Variants in HSD17B11 observed in about 807,000 individuals in gnomAD.
HSD17B11 encodes estradiol 17-beta-dehydrogenase 11.
HSD17B11 carries 22 observed loss-of-function variants against 27.8 expected under a neutral mutation model. The observed-to-expected ratio is 0.79, with a 90% CI of 0.56 to 1.13. The LOEUF (loss-of-function observed/expected upper bound fraction) is 1.13. Among genes scored for constraint, HSD17B11 ranks in the 50% most tolerant of loss-of-function variants. HSD17B11 has a pLI of 0.00. For synonymous variants in HSD17B11, 117 were observed against 132.8 expected, an observed-to-expected ratio of 0.88 and a Z score of 0.82; for missense variants, 314 against 351.1, an observed-to-expected ratio of 0.89 and a Z score of 0.84.
chr4:87,386,266 A>C (rs1329651899), intron 1 of HSD17B11, among the ~76,000 whole-genome samples: 1 of 151,226 alleles, frequency 6.6e-6, no homozygotes, highest in African/African-American at 2.4e-5. Flanking sequence ...GCAATGGTGC[A>C]ATCTTAGCTC....
At position 87,340,537 on chromosome 4, in the gene HSD17B11, C is replaced by T; in HGVS notation, c.765G>A (p.Lys255=). ...RLMHGILTEQ[K]MIFIPSSIAF... ...CTATAGAAGATGGAATAAAAATCAT[C>T]TTCTGCTCAGTCAGAATCCCATGCA... Residue 255 remains lysine, a synonymous_variant, in exon 6 of 7, where the codon AAG becomes AAA. Coordinates refer to ENST00000358290, the MANE Select transcript of HSD17B11 (RefSeq NM_016245.5). The T allele has an allele frequency of 6.2e-7, 1 of 1,610,752 alleles. No homozygotes were observed. Among genetic ancestry groups the T allele is most frequent in the Non-Finnish European group, 8.5e-7 (1 of 1,178,438 alleles).
intron 2 of HSD17B11, among the ~76,000 whole-genome samples, chr4:87,378,841 T>A (rs183896092): frequency 0.11 from 3,535 of 31,474 alleles, 637 homozygotes; most frequent in East Asian, 0.3. Flanking sequence ...AATATATATA[T>A]ATAAATATAT....
chr4:87,358,581 ATAAT>A (rs1250467549), intron 4 of HSD17B11, among the ~76,000 whole-genome samples: 2 of 152,170 alleles, frequency 1.3e-5, no homozygotes, highest in Non-Finnish European at 1.5e-5. Context: ...TTTTTGATAT[ATAAT>A]TAACTTAAAA....
chr4:87,342,073 T>C (rs1735179862), intron 5 of HSD17B11, among the ~76,000 whole-genome samples: 1 of 152,016 alleles, frequency 6.6e-6, no homozygotes, highest in South Asian at 2.1e-4. Context: ...TTATTTTTAA[T>C]GTGTGTGTCT....
In HSD17B11 at chr4:87,382,351, C is replaced by T. The variant is rs1720196224; in HGVS notation, c.222G>A (p.Glu74=). ...GTCCCTTGCATTTGGCAGCTGTTTCCTCCAGTCCATGCTAGAAAAAGCAAA... is the reference window on the plus strand; with the variant it reads ...GTCCCTTGCATTTGGCAGCTGTTTCTTCCAGTCCATGCTAGAAAAAGCAAA... ...VLWDINKHGL[E]ETAAKCKGLG... Residue 74 remains glutamate (E), a synonymous_variant, in exon 2 of 7, where the codon GAG becomes GAA. Coordinates refer to ENST00000358290, the MANE Select transcript of HSD17B11 (RefSeq NM_016245.5). 6.2e-7 allele frequency: 1 copy of T among 1,613,266 alleles called. No homozygotes were observed. The highest frequency in any genetic ancestry group is 8.5e-7 in the Non-Finnish European group (1 of 1,179,460).
In HSD17B11 at chr4:87,372,196, T is replaced by C. The variant is rs190295804; in HGVS notation, c.557+513A>G. Among the ~76,000 whole-genome samples, 135 of 145,926 alleles carry C rather than the reference T, an allele frequency of 9.3e-4. 1 individual carries two copies. The highest frequency in any genetic ancestry group is 3.3e-3 in the African/African-American group (129 of 39,376). On this transcript the variant is annotated intron_variant, in intron 4 of 6. Transcript: ENST00000358290. ...AGGCGGAGCTTGCAGTGAGCCGAGA[T>C]TGCGCCACTGCACTCCAGCCTGGGT...
intron 4 of HSD17B11, among the ~76,000 whole-genome samples, chr4:87,361,233 T>C (rs1735506495): frequency 6.6e-6 from 1 of 152,080 alleles, no homozygotes; most frequent in Non-Finnish European, 1.5e-5. Context: ...AAAACCAAAA[T>C]GGCCACAAAA....
intron 1 of HSD17B11, among the ~76,000 whole-genome samples, chr4:87,386,520 T>A (rs1158290968): frequency 6.6e-6 from 1 of 152,082 alleles, no homozygotes; most frequent in Non-Finnish European, 1.5e-5. Context: ...CAAATTTAAG[T>A]TCTAAATTCC....
At chr4:87,364,067 T>C in intron 4 of HSD17B11, among the ~76,000 whole-genome samples, 1 of 152,172 alleles carries the variant, frequency 6.6e-6, no homozygotes, top group Non-Finnish European at 1.5e-5. Context: ...TAAAAGGCCT[T>C]TATGTTTTTC....
chr4:87,361,086 C>T (rs922645839), intron 4 of HSD17B11, among the ~76,000 whole-genome samples: 4 of 152,122 alleles, frequency 2.6e-5, no homozygotes, highest in African/African-American at 4.8e-5. Context: ...TGAAACCTAC[C>T]GGGCTGTATT....
At chr4:87,362,003 C>A (rs1339570200) in intron 4 of HSD17B11, among the ~76,000 whole-genome samples, 1 of 152,134 alleles carries the variant, frequency 6.6e-6, no homozygotes, top group East Asian at 1.9e-4. Context: ...ACTGAAGAGA[C>A]CCCTGACCCA....
chr4:87,346,259 A>G (rs1031311407), intron 5 of HSD17B11, among the ~76,000 whole-genome samples: 2 of 152,204 alleles, frequency 1.3e-5, no homozygotes, highest in African/African-American at 4.8e-5. Flanking sequence ...CTAGGAACAG[A>G]AGGGCATTTC....
chr4:87,371,142 C>G (rs1186154460), intron 4 of HSD17B11, among the ~76,000 whole-genome samples: 1 of 152,040 alleles, frequency 6.6e-6, no homozygotes, highest in Non-Finnish European at 1.5e-5. Context: ...GTGATTCAGT[C>G]AAGATTCATA....
chr4:87,390,985 T>C lies in HSD17B11; in HGVS notation c.86A>G (p.Lys29Arg), dbSNP rs1244735593. The C allele has an allele frequency of 2.5e-6, 4 of 1,614,000 alleles. No homozygotes were observed. Among genetic ancestry groups the C allele is most frequent in the Non-Finnish European group, 3.4e-6 (4 of 1,180,004 alleles). The change falls in exon 1 of 7, where the codon AAG becomes AGG. Residue 29 changes from lysine (K) to arginine (R), a missense_variant. Coordinates refer to ENST00000358290, the MANE Select transcript of HSD17B11 (RefSeq NM_016245.5). Reference sequence around the variant, plus strand: ...TTCGCCGGTGACTGATTTTCTCCTCTTAGGAATAAAAAGCTTCACGAAGGA... The same window carrying C: ...TTCGCCGGTGACTGATTTTCTCCTCCTAGGAATAAAAAGCTTCACGAAGGA... ...LESFVKLFIP[K>R]RRKSVTGEIV...
At chr4:87,341,436 T>G (rs920085267) in intron 5 of HSD17B11, among the ~76,000 whole-genome samples, 1 of 152,186 alleles carries the variant, frequency 6.6e-6, no homozygotes, top group Non-Finnish European at 1.5e-5. Flanking sequence ...CCTCCCAAAG[T>G]GCCGGGATTG....
intron 6 of HSD17B11, among the ~76,000 whole-genome samples, chr4:87,338,949 T>A (rs11931674): frequency 0.06 from 9,105 of 152,260 alleles, 876 homozygotes; most frequent in African/African-American, 0.21. Context: ...AAAAAACTAA[T>A]CCATGTTCAT....
intron 1 of HSD17B11, among the ~76,000 whole-genome samples, chr4:87,388,379 G>C (rs948344022): frequency 6.6e-6 from 1 of 152,198 alleles, no homozygotes; most frequent in Non-Finnish European, 1.5e-5. Context: ...AGCCACAAGA[G>C]GCTAGGGGCT....
Position 87,341,512 on chromosome 4 carries a change from G to A in HSD17B11, c.696-906C>T, listed in dbSNP as rs541503083. On this transcript the variant is annotated intron_variant, in intron 5 of 6. Coordinates refer to ENST00000358290, the MANE Select transcript of HSD17B11 (RefSeq NM_016245.5). The stretch of plus-strand genomic sequence containing the variant: ...TAGTTCCATGTTACATCTTTGTTGT[G>A]TAATCACTCAAGTATATGTACCACA... Among the ~76,000 whole-genome samples, 4 of 152,244 alleles carry A rather than the reference G, an allele frequency of 2.6e-5. No individual in the cohort carries two copies. In the East Asian group the frequency reaches 7.7e-4, roughly 29 times the overall value.
intron 4 of HSD17B11, among the ~76,000 whole-genome samples, chr4:87,358,615 C>T (rs1735437851): frequency 6.6e-6 from 1 of 151,922 alleles, no homozygotes; most frequent in Non-Finnish European, 1.5e-5. Context: ...TAATATATAT[C>T]ATGTAAAACA....
Sources: gnomAD v4.1 joint callset for allele counts (sites outside exome capture counted in the v4.1 genomes callset) on GRCh38, gnomAD v4.1.1 for gene constraint, MANE v1.5 for transcripts, NCBI Gene and HGNC (gene_info 2026-07-23, HGNC 2026-07-21) for gene names.